Variants in ZMIZ1 observed in about 807,000 individuals in gnomAD.
The protein encoded by ZMIZ1 is zinc finger MIZ-type containing 1.
Under a neutral mutation model 113.9 loss-of-function variants are expected in ZMIZ1, and 17 were observed. The observed-to-expected ratio is 0.15, with a 90% CI of 0.10 to 0.22. The LOEUF is 0.22. Among genes scored for constraint, ZMIZ1 ranks in the 10% least tolerant of loss-of-function variants. The pLI is 1.00. For missense variants in ZMIZ1, 1,059 were observed against 1,477.8 expected, an observed-to-expected ratio of 0.72 and a Z score of 4.65; for synonymous variants, 607 against 603.1, an observed-to-expected ratio of 1.01 and a Z score of -0.09.
intron 18 of ZMIZ1, among the ~76,000 whole-genome samples, chr10:79,303,092 C>T (rs1854438329): frequency 6.6e-6 from 1 of 151,842 alleles, no homozygotes; most frequent in South Asian, 2.1e-4. Flanking sequence ...AATCTCCTGA[C>T]CTCACGATCC....
intron 4 of ZMIZ1, among the ~76,000 whole-genome samples, chr10:79,181,411 C>A (rs777920903): frequency 2.6e-5 from 4 of 152,190 alleles, no homozygotes; most frequent in Non-Finnish European, 5.9e-5. Context: ...TGCCAAGTGG[C>A]GGTGGATTCT....
At chr10:79,206,943 T>G (rs1381521852) in intron 5 of ZMIZ1, among the ~76,000 whole-genome samples, 1 of 152,186 alleles carries the variant, frequency 6.6e-6, no homozygotes, top group Non-Finnish European at 1.5e-5. Context: ...TGAACTACAT[T>G]GTAGCAACAG....
At chr10:79,162,225 T>C in intron 4 of ZMIZ1, 92 bp downstream of exon 4, 3 of 398,016 alleles carry the variant, frequency 7.5e-6, no homozygotes, top group Non-Finnish European at 8.9e-6. Flanking sequence ...CGCTGGACCT[T>C]TGACTCGGGC....
rs11268036 is a variant in ZMIZ1, at chr10:79,145,344, T to TGCCCGTGCGACAGA, written c.-131+5570_-131+5571insCGTGCGACAGAGCC. 2.1e-4 allele frequency among the ~76,000 whole-genome samples: 32 copies of TGCCCGTGCGACAGA among 151,878 alleles called. 1 individual carries two copies. The highest frequency in any genetic ancestry group is 9.8e-4 in the East Asian group (5 of 5,110). On this transcript the variant is annotated intron_variant, in intron 3 of 24. Transcript: ENST00000334512. Reference sequence around the variant, plus strand: ...CCTTTCCCGAAGCTGCATTCCGGAGTGCCTGCGAGGTGTGCTGGGCTGGGG... The same window carrying TGCCCGTGCGACAGA: ...CCTTTCCCGAAGCTGCATTCCGGAGTGCCCGTGCGACAGAGCCTGCGAGGTGTGCTGGGCTGGGG...
chr10:79,222,315 G>A (rs1462416903), intron 7 of ZMIZ1, among the ~76,000 whole-genome samples: 2 of 152,222 alleles, frequency 1.3e-5, no homozygotes, highest in Non-Finnish European at 2.9e-5. Flanking sequence ...GACTGACTGG[G>A]TGGTGGTGGC....
intron 5 of ZMIZ1, among the ~76,000 whole-genome samples, chr10:79,204,612 G>A (rs553460361): frequency 6.6e-6 from 1 of 152,324 alleles, no homozygotes; most frequent in South Asian, 2.1e-4. Context: ...GCTCCTTGGG[G>A]GCAAAGGACA....
At chr10:79,097,856 AAGAGGAGTTCCTGG>A (rs1233932519) in intron 1 of ZMIZ1, among the ~76,000 whole-genome samples, 1 of 152,122 alleles carries the variant, frequency 6.6e-6, no homozygotes, top group Non-Finnish European at 1.5e-5. Context: ...CAGTGTGAGG[AAGAGGAGTTCCTGG>A]AGAGGCCTCA....
At chr10:79,281,233 C>G (rs1263006918) in intron 8 of ZMIZ1, among the ~76,000 whole-genome samples, 1 of 152,076 alleles carries the variant, frequency 6.6e-6, no homozygotes, top group African/African-American at 2.4e-5. Flanking sequence ...TTTCTGTGCT[C>G]GAGGAGCAGC....
At chr10:79,290,632 G>A in intron 9 of ZMIZ1, 1 of 517,314 alleles carries the variant, frequency 1.9e-6, no homozygotes, top group Non-Finnish European at 3.7e-6. Flanking sequence ...CTCCCCACGG[G>A]TACCTGGTAC....
chr10:79,176,963 G>A (rs930497053), intron 4 of ZMIZ1, among the ~76,000 whole-genome samples: 2 of 152,216 alleles, frequency 1.3e-5, no homozygotes, highest in Non-Finnish European at 2.9e-5. Flanking sequence ...TGACAAAACC[G>A]TGTAAACTGT....
rs1352675780 is a variant in ZMIZ1, at chr10:79,277,335, T to C, written c.425+10T>C. 3.1e-6 allele frequency: 5 copies of C among 1,588,204 alleles called. No individual in the cohort carries two copies. The African/African-American group carries it at 6.8e-5, about 22-fold the overall frequency. On this transcript the variant is annotated intron_variant, in intron 8 of 24. Transcript: ENST00000334512. Reference sequence around the variant, plus strand: ...CCACTCTGTCGCACAGGTAAGTGGGTGGGTGCCATGGGTGCAGGTACTGAG... The same window carrying C: ...CCACTCTGTCGCACAGGTAAGTGGGCGGGTGCCATGGGTGCAGGTACTGAG...
At chr10:79,071,888 A>G (rs907834557) in intron 1 of ZMIZ1, among the ~76,000 whole-genome samples, 1 of 151,606 alleles carries the variant, frequency 6.6e-6, no homozygotes, top group Non-Finnish European at 1.5e-5. Context: ...CCTTGTCCCA[A>G]ATCACGAGGT....
In ZMIZ1 at chr10:79,069,977, A is replaced by G. The variant is rs1337800611; in HGVS notation, c.-337+707A>G. The stretch of plus-strand genomic sequence containing the variant: ...GTGCCTGGACGGGGCTGCCCCGGCC[A>G]GGAGGGGAGCCCAGGGGGAAGATGT... On this transcript the variant is annotated intron_variant, in intron 1 of 24. Coordinates refer to ENST00000334512, the MANE Select transcript of ZMIZ1 (RefSeq NM_020338.4). This position sits in a 1 kb window ranked among gnomAD's most constrained non-coding sequence, Gnocchi z 4.6. 6.6e-6 allele frequency among the ~76,000 whole-genome samples: 1 copy of G among 150,936 alleles called. No individual in the cohort carries two copies. Among genetic ancestry groups the G allele is most frequent in the African/African-American group, 2.4e-5 (1 of 41,052 alleles).
At chr10:79,112,934 A>G (rs902228036) in intron 1 of ZMIZ1, among the ~76,000 whole-genome samples, 1 of 152,192 alleles carries the variant, frequency 6.6e-6, no homozygotes, top group African/African-American at 2.4e-5. Context: ...GGGTGCTATC[A>G]ACACTTGGCA....
At chr10:79,152,677 C>A (rs4980037) in intron 3 of ZMIZ1, among the ~76,000 whole-genome samples, 4 of 152,072 alleles carry the variant, frequency 2.6e-5, no homozygotes, top group African/African-American at 9.7e-5. Context: ...GTTCTGGAGC[C>A]CAGAGGCTGT....
chr10:79,243,726 G>A (rs1850015042), intron 7 of ZMIZ1: 3 of 288,566 alleles, frequency 1.0e-5, no homozygotes, highest in Non-Finnish European at 1.4e-5. Context: ...ATCGCGACCG[G>A]TGCAACTTCT....
intron 7 of ZMIZ1, among the ~76,000 whole-genome samples, chr10:79,245,766 C>G (rs921023412): frequency 6.6e-6 from 1 of 152,190 alleles, no homozygotes; most frequent in Non-Finnish European, 1.5e-5. Flanking sequence ...AGTACAGTAG[C>G]CACTGGCCAC....
chr10:79,125,416 C>T (rs556104327), intron 2 of ZMIZ1, among the ~76,000 whole-genome samples: 2 of 152,186 alleles, frequency 1.3e-5, no homozygotes, highest in African/African-American at 4.8e-5. Context: ...TCCCTCTGGC[C>T]GTCCCAGGGT....
chr10:79,232,339 A>T (rs577641732), intron 7 of ZMIZ1, among the ~76,000 whole-genome samples: 2 of 152,278 alleles, frequency 1.3e-5, no homozygotes, highest in East Asian at 3.9e-4. Flanking sequence ...GATGGCTGGT[A>T]TGGGAAGGAG....
Sources: gnomAD v4.1 joint callset for allele counts (sites outside exome capture counted in the v4.1 genomes callset) on GRCh38, gnomAD v4.1.1 for gene constraint, Gnocchi (gnomAD v3.1) non-coding constraint, MANE v1.5 for transcripts, NCBI Gene and HGNC (gene_info 2026-07-23, HGNC 2026-07-21) for gene names.